Variants in MIPOL1 observed in about 807,000 individuals in gnomAD.
MIPOL1 encodes mirror-image polydactyly gene 1 protein.
In MIPOL1, 57 loss-of-function variants were observed where a neutral mutation model predicts 60.9. The ratio of observed to expected loss-of-function variants is 0.94; its 90% CI spans 0.76 to 1.17. MIPOL1 has a LOEUF of 1.17. Ranked by LOEUF, MIPOL1 falls within the 50% of genes most tolerant of loss-of-function variation. MIPOL1 has a pLI of 0.00. For missense variants in MIPOL1, 551 were observed against 511.6 expected, an observed-to-expected ratio of 1.08 and a Z score of -0.74; for synonymous variants, 179 against 168.8, an observed-to-expected ratio of 1.06 and a Z score of -0.47.
intron 11 of MIPOL1, chr14:37,423,543 GA>G (rs2093911843): frequency 6.6e-6 from 1 of 151,798 alleles, no homozygotes; most frequent in Non-Finnish European, 1.5e-5. Context: ...GTGAGAAAGA[GA>G]AAAAAGATTT....
At chr14:37,362,407 C>A (rs1401540894) in intron 9 of MIPOL1, among the ~76,000 whole-genome samples, 1 of 152,224 alleles carries the variant, frequency 6.6e-6, no homozygotes, top group South Asian at 2.1e-4. Context: ...GTTGAAAATT[C>A]TTTTCTTTAA....
intron 6 of MIPOL1, among the ~76,000 whole-genome samples, chr14:37,281,443 C>T (rs983153069): frequency 5.3e-5 from 8 of 152,212 alleles, no homozygotes; most frequent in Middle Eastern, 3.4e-3. Context: ...CTTGCTCTGT[C>T]GCCCAGGCTG....
chr14:37,350,818 A>G (rs1322103043), intron 9 of MIPOL1, among the ~76,000 whole-genome samples: 1 of 152,162 alleles, frequency 6.6e-6, no homozygotes. Flanking sequence ...CAAATAAGTG[A>G]GAACATGCGA....
intron 9 of MIPOL1, among the ~76,000 whole-genome samples, chr14:37,344,694 ATCT>A (rs1315826062): frequency 2.0e-5 from 3 of 152,134 alleles, no homozygotes; most frequent in Non-Finnish European, 4.4e-5. Context: ...AAAGAGAGCT[ATCT>A]TCTTATCTAT....
At chr14:37,330,668 A>G (rs765588178) in intron 9 of MIPOL1, among the ~76,000 whole-genome samples, 5 of 151,644 alleles carry the variant, frequency 3.3e-5, no homozygotes, top group Admixed American at 6.6e-5. Flanking sequence ...AGATACTTCT[A>G]AAGTTAAGAG....
intron 9 of MIPOL1, among the ~76,000 whole-genome samples, chr14:37,316,050 C>T (rs1175913262): frequency 2.7e-5 from 4 of 148,344 alleles, no homozygotes; most frequent in Admixed American, 2.0e-4. Context: ...TTTTTGAGAC[C>T]GAATCTTGCT....
chr14:37,247,907 G>C lies in MIPOL1; in HGVS notation c.19G>C (p.Asp7His). The C allele has an allele frequency of 1.2e-6, 2 of 1,613,070 alleles. No homozygotes were observed. The highest frequency in any genetic ancestry group is 2.7e-5 in the African/African-American group (2 of 74,940). Residue 7 changes from aspartate to histidine, a missense_variant and splice_region_variant, in exon 3 of 13, where the codon GAC (aspartate) becomes CAC (histidine). Transcript: ENST00000684589. MENWSK[D>H]ITHSYLEQET... is the part of the protein sequence containing the mutation. ...AATACAAATGGAGAACTGGTCAAAA[G>C]GTAAGGACTTTTAAGGTATTAATAC...
chr14:37,402,568 A>G (rs1013898856), intron 10 of MIPOL1, among the ~76,000 whole-genome samples: 3 of 152,180 alleles, frequency 2.0e-5, no homozygotes, highest in Admixed American at 1.3e-4. Flanking sequence ...ATTGAAATGC[A>G]TTGAAATTGG....
intron 9 of MIPOL1, among the ~76,000 whole-genome samples, chr14:37,367,800 C>A (rs1164047157): frequency 1.3e-5 from 2 of 151,854 alleles, no homozygotes; most frequent in African/African-American, 2.4e-5. Context: ...TAGAGAATAT[C>A]TCTACTGTAT....
At chr14:37,500,651 A>G (rs2153613696) in intron 12 of MIPOL1, among the ~76,000 whole-genome samples, 1 of 152,312 alleles carries the variant, frequency 6.6e-6, no homozygotes, top group African/African-American at 2.4e-5. Context: ...ATTTTGAATG[A>G]TCTTTGCATT....
intron 11 of MIPOL1, among the ~76,000 whole-genome samples, chr14:37,456,611 T>C (rs1242288691): frequency 5.3e-5 from 8 of 152,166 alleles, no homozygotes; most frequent in Admixed American, 5.2e-4. Flanking sequence ...CCCTGCTAAA[T>C]TAAAATTTAA....
intron 11 of MIPOL1, among the ~76,000 whole-genome samples, chr14:37,439,253 A>C (rs1294756394): frequency 6.6e-6 from 1 of 152,194 alleles, no homozygotes; most frequent in Non-Finnish European, 1.5e-5. Context: ...ATTTTATGGA[A>C]TACTTGAGAA....
chr14:37,360,171 G>A (rs901565245), intron 9 of MIPOL1, among the ~76,000 whole-genome samples: 10 of 152,174 alleles, frequency 6.6e-5, no homozygotes, highest in South Asian at 4.2e-4. Context: ...GGATGAAGCC[G>A]ACTTGATCTT....
chr14:37,364,098 G>A (rs966096819), intron 9 of MIPOL1, among the ~76,000 whole-genome samples: 8 of 152,194 alleles, frequency 5.3e-5, no homozygotes, highest in African/African-American at 1.7e-4. Context: ...TCCTGGGTGA[G>A]GTGACGCCCT....
chr14:37,536,589 C>T (rs144354332), intron 12 of MIPOL1, among the ~76,000 whole-genome samples: 2 of 152,254 alleles, frequency 1.3e-5, no homozygotes, highest in East Asian at 1.9e-4. Context: ...AAGTATCATT[C>T]GGGTACATTT....
At chr14:37,477,028 G>T (rs1380815944) in intron 11 of MIPOL1, among the ~76,000 whole-genome samples, 1 of 151,414 alleles carries the variant, frequency 6.6e-6, no homozygotes, top group African/African-American at 2.4e-5. Context: ...AGCCTCCTGG[G>T]TAGCCGAGAT....
intron 11 of MIPOL1, among the ~76,000 whole-genome samples, chr14:37,484,997 C>T (rs190414257): frequency 3.0e-4 from 45 of 152,256 alleles, no homozygotes; most frequent in African/African-American, 1.0e-3. Context: ...TCCCCTTCCC[C>T]TCCACCCCCT....
intron 9 of MIPOL1, among the ~76,000 whole-genome samples, chr14:37,361,722 C>G (rs2092265469): frequency 6.7e-6 from 1 of 148,444 alleles, no homozygotes; most frequent in African/African-American, 2.5e-5. Flanking sequence ...ATTCTCCTGC[C>G]TCAGCCTCTC....
intron 11 of MIPOL1, among the ~76,000 whole-genome samples, chr14:37,476,991 C>T (rs147126278): frequency 0.026 from 3,955 of 150,256 alleles, 160 homozygotes; most frequent in East Asian, 0.14. Flanking sequence ...GCCTCCTCCT[C>T]CCAGGTTCCA....
Sources: allele counts gnomAD v4.1 joint callset (sites outside exome capture counted in the v4.1 genomes callset), GRCh38; gene constraint gnomAD v4.1.1; transcripts MANE v1.5; gene names NCBI Gene and HGNC (gene_info 2026-07-23, HGNC 2026-07-21).